CELF2: variants seen among roughly 807,000 people sequenced by gnomAD.
The protein encoded by CELF2 is CUGBP Elav-like family member 2, also known as CUG triplet repeat RNA-binding protein 2.
Under a neutral mutation model 62.6 loss-of-function variants are expected in CELF2, and 8 were observed. That is an observed-to-expected ratio of 0.13 (90% CI 0.07 to 0.23). CELF2 has a LOEUF of 0.23. Ranked by LOEUF, CELF2 falls within the 10% of genes least tolerant of loss-of-function variation. CELF2 has a pLI of 1.00. For synonymous variants in CELF2, 258 were observed against 250.0 expected, an observed-to-expected ratio of 1.03 and a Z score of -0.30; for missense variants, 333 against 671.0, an observed-to-expected ratio of 0.50 and a Z score of 5.56.
chr10:10,911,595 A>G (rs1176011368), intron 1 of CELF2, among the ~76,000 whole-genome samples: 2 of 152,232 alleles, frequency 1.3e-5, no homozygotes, highest in African/African-American at 2.4e-5. Context: ...GGATTTGTGC[A>G]TGGGAGACCG....
At chr10:10,621,977 T>C in the CELF2 span, among the ~76,000 whole-genome samples, 1 of 152,332 alleles carries the variant, frequency 6.6e-6, no homozygotes, top group African/African-American at 2.4e-5. Context: ...GTTTCTCACA[T>C]AGAGCCTTGA....
chr10:11,192,542 C>G (rs536205917), intron 2 of CELF2, among the ~76,000 whole-genome samples: 1 of 152,198 alleles, frequency 6.6e-6, no homozygotes, highest in African/African-American at 2.4e-5. Context: ...AGTCAGGCAC[C>G]CTGCTCCTTC....
chr10:10,671,948 T>G, the CELF2 span, among the ~76,000 whole-genome samples: 1 of 152,158 alleles, frequency 6.6e-6, no homozygotes, highest in Admixed American at 6.5e-5. Flanking sequence ...CAGGCTGGTC[T>G]TGAACGCCTG....
chr10:11,091,123 A>G (rs1441511736), intron 1 of CELF2, among the ~76,000 whole-genome samples: 1 of 152,220 alleles, frequency 6.6e-6, no homozygotes, highest in African/African-American at 2.4e-5. Flanking sequence ...CAGTAAGCCT[A>G]TGGTATGAAT....
intron 1 of CELF2, among the ~76,000 whole-genome samples, chr10:11,034,419 T>A (rs2060628717): frequency 6.6e-6 from 1 of 152,208 alleles, no homozygotes; most frequent in South Asian, 2.1e-4. Flanking sequence ...CATGTGTTCC[T>A]TATTACTAAG....
chr10:11,186,531 A>G (rs2074982702), intron 2 of CELF2, among the ~76,000 whole-genome samples: 1 of 152,216 alleles, frequency 6.6e-6, no homozygotes, highest in South Asian at 2.1e-4. Context: ...TTTCATTTTC[A>G]TTCAGTTGAA....
intron 1 of CELF2, among the ~76,000 whole-genome samples, chr10:10,881,559 T>C (rs1044472566): frequency 6.6e-6 from 1 of 152,194 alleles, no homozygotes; most frequent in African/African-American, 2.4e-5. Context: ...ACATTTTTCA[T>C]ATGTAACTCA....
intron 3 of CELF2, among the ~76,000 whole-genome samples, chr10:11,241,006 G>A (rs532483213): frequency 6.6e-6 from 1 of 152,084 alleles, no homozygotes; most frequent in South Asian, 2.1e-4. Context: ...GCCTCTCTCT[G>A]CCTGGGTTCC....
the CELF2 span, among the ~76,000 whole-genome samples, chr10:10,751,676 C>A: frequency 6.6e-6 from 1 of 152,126 alleles, no homozygotes; most frequent in Non-Finnish European, 1.5e-5. Context: ...TCATTGCTAA[C>A]CCCTGGTCAC....
the CELF2 span, among the ~76,000 whole-genome samples, chr10:10,480,189 A>G: frequency 1.7e-4 from 26 of 152,222 alleles, no homozygotes; most frequent in African/African-American, 6.3e-4. Context: ...GTAACCACAA[A>G]ATATAAAACA....
chr10:11,198,703 C>T (rs1264695801), intron 2 of CELF2, among the ~76,000 whole-genome samples: 2 of 152,232 alleles, frequency 1.3e-5, no homozygotes, highest in Non-Finnish European at 2.9e-5. Context: ...CCCAGAAGGG[C>T]ATGGTCAAGT....
the CELF2 span, among the ~76,000 whole-genome samples, chr10:10,598,751 CTTTTTTT>C: frequency 4.3e-4 from 30 of 69,582 alleles, no homozygotes; most frequent in East Asian, 3.2e-3. Flanking sequence ...CTTTTTCTTT[CTTTTTTT>C]TTTTTTTTTT....
At chr10:10,779,793 C>A in the CELF2 span, among the ~76,000 whole-genome samples, 1 of 151,928 alleles carries the variant, frequency 6.6e-6, no homozygotes, top group Non-Finnish European at 1.5e-5. Context: ...AATCACAGAT[C>A]TAAATTTTCC....
intron 3 of CELF2, among the ~76,000 whole-genome samples, chr10:11,234,679 C>A (rs1478855172): frequency 3.4e-3 from 287 of 83,232 alleles, no homozygotes; most frequent in South Asian, 4.5e-3. Context: ...GACTCCATCT[C>A]AAAAAAAAAA....
the CELF2 span, among the ~76,000 whole-genome samples, chr10:10,765,282 A>T: frequency 6.6e-6 from 1 of 152,184 alleles, no homozygotes; most frequent in African/African-American, 2.4e-5. Flanking sequence ...TCTTATTTCA[A>T]TTCTTACAAA....
At chr10:10,464,276 C>T in the CELF2 span, among the ~76,000 whole-genome samples, 8 of 152,184 alleles carry the variant, frequency 5.3e-5, no homozygotes, top group Admixed American at 2.6e-4. Context: ...TCTTATCCAC[C>T]GGTAACTGTC....
At chr10:10,907,554 C>T (rs2063447261) in intron 1 of CELF2, among the ~76,000 whole-genome samples, 1 of 152,218 alleles carries the variant, frequency 6.6e-6, no homozygotes, top group South Asian at 2.1e-4. Context: ...ACAGTGCACC[C>T]ACACTCATGA....
chr10:11,029,330 G>T (rs571238161), intron 1 of CELF2, among the ~76,000 whole-genome samples: 1 of 152,318 alleles, frequency 6.6e-6, no homozygotes, highest in South Asian at 2.1e-4. Context: ...TCTTTGGAGT[G>T]CTAAGAGATC....
At chr10:11,200,810 A>G (rs1222718442) in intron 2 of CELF2, among the ~76,000 whole-genome samples, 1 of 152,264 alleles carries the variant, frequency 6.6e-6, no homozygotes, top group East Asian at 1.9e-4. Flanking sequence ...ATTGAGAAAA[A>G]GAAGACGGAA....
Sources: gnomAD v4.1 joint callset for allele counts (sites outside exome capture counted in the v4.1 genomes callset) on GRCh38, gnomAD v4.1.1 for gene constraint, MANE v1.5 for transcripts, NCBI Gene and HGNC (gene_info 2026-07-23, HGNC 2026-07-21) for gene names.